ZRANB3: variants seen among roughly 807,000 people sequenced by gnomAD.
The protein encoded by ZRANB3 is DNA annealing helicase and endonuclease ZRANB3.
ZRANB3 carries 125 observed loss-of-function variants against 133.8 expected under a neutral mutation model. The ratio of observed to expected loss-of-function variants is 0.93; its 90% CI spans 0.81 to 1.08. The LOEUF (loss-of-function observed/expected upper bound fraction) is 1.08, where lower values mean the gene tolerates loss of function less well. Ranked by LOEUF, ZRANB3 falls within the 50% of genes least tolerant of loss-of-function variation. The pLI, the probability that ZRANB3 is intolerant of heterozygous loss-of-function variation, is 0.00. For synonymous variants in ZRANB3, 387 were observed against 432.7 expected, an observed-to-expected ratio of 0.89 and a Z score of 1.31; for missense variants, 1,229 against 1,275.5, an observed-to-expected ratio of 0.96 and a Z score of 0.56.
Position 135,387,821 on chromosome 2 carries a change from T to C in ZRANB3, c.180+2981A>G, listed in dbSNP as rs138480944. 8.9e-4 allele frequency among the ~76,000 whole-genome samples: 136 copies of C among 152,306 alleles called. 2 individuals are homozygous for C. In the East Asian group the frequency reaches 0.024, roughly 27 times the overall value. ...AGAATGGTTTTGAAAGATGACAACA[T>C]GTGAATCAGCCAAATGTGAAAAGTG... is the stretch of plus-strand genomic sequence containing the variant. On this transcript the variant is annotated intron_variant, in intron 3 of 20. Coordinates refer to ENST00000264159, the MANE Select transcript of ZRANB3 (RefSeq NM_032143.4).
intron 8 of ZRANB3, among the ~76,000 whole-genome samples, chr2:135,277,401 C>A (rs1447336613): frequency 2.6e-5 from 4 of 152,048 alleles, no homozygotes; most frequent in Admixed American, 2.6e-4. Context: ...ATATAAGCAA[C>A]CAACCAAAGA....
chr2:135,341,087 C>T (rs112766529), intron 6 of ZRANB3, among the ~76,000 whole-genome samples: 6 of 149,710 alleles, frequency 4.0e-5, no homozygotes, highest in South Asian at 4.2e-4. Context: ...AGTGCAGTGG[C>T]GCTATCTCGG....
chr2:135,351,571 C>T (rs950528118), intron 4 of ZRANB3, among the ~76,000 whole-genome samples: 2 of 152,144 alleles, frequency 1.3e-5, no homozygotes, highest in African/African-American at 4.8e-5. Context: ...TGTATTCAAA[C>T]ACCAGAAGAG....
chr2:135,324,144 A>G (rs1185416726), intron 6 of ZRANB3, among the ~76,000 whole-genome samples: 2 of 151,670 alleles, frequency 1.3e-5, no homozygotes, highest in Non-Finnish European at 2.9e-5. Context: ...GGTTTGTTAC[A>G]TATGTATACA....
At chr2:135,382,926 C>A (rs1312794794) in intron 3 of ZRANB3, among the ~76,000 whole-genome samples, 1 of 152,164 alleles carries the variant, frequency 6.6e-6, no homozygotes, top group Non-Finnish European at 1.5e-5. Context: ...GAAGAAAGTG[C>A]ATCAACTAAC....
chr2:135,496,253 G>A (rs1338704722), intron 2 of ZRANB3, among the ~76,000 whole-genome samples: 1 of 151,664 alleles, frequency 6.6e-6, no homozygotes, highest in Non-Finnish European at 1.5e-5. Context: ...GCGTGGTGGC[G>A]TGCGACTGTA....
chr2:135,444,235 T>C (rs1334182409), intron 2 of ZRANB3, among the ~76,000 whole-genome samples: 2 of 152,146 alleles, frequency 1.3e-5, no homozygotes, highest in African/African-American at 4.8e-5. Context: ...TTATATAATA[T>C]ATACAGTTAA....
At chr2:135,490,917 A>C (rs1223881033) in intron 2 of ZRANB3, among the ~76,000 whole-genome samples, 1 of 152,156 alleles carries the variant, frequency 6.6e-6, no homozygotes, top group Non-Finnish European at 1.5e-5. Context: ...GTTCGCACTC[A>C]TATGTGGGAG....
At chr2:135,382,632 G>A (rs1003369902) in intron 3 of ZRANB3, among the ~76,000 whole-genome samples, 6 of 152,276 alleles carry the variant, frequency 3.9e-5, no homozygotes, top group Non-Finnish European at 5.9e-5. Context: ...TCAGACTAAC[G>A]GCGGATCTCT....
In ZRANB3 at chr2:135,207,834, T is replaced by G; in HGVS notation, c.2609A>C (p.Lys870Thr). 1.9e-6 allele frequency: 3 copies of G among 1,588,230 alleles called. No homozygotes were observed. The highest frequency in any genetic ancestry group is 2.6e-6 in the Non-Finnish European group (3 of 1,161,672). ...ESRPRDPFTKKLLEDGACVPF... is the reference protein window; with the variant it reads ...ESRPRDPFTKTLLEDGACVPF... ...GACACAGGCTCCATCTTCAAGAAGT[T>G]TTCTACAATTGATAAAAACACTGAA... The change falls in exon 19 of 21, where the codon AAA (lysine) becomes ACA (threonine). Residue 870 changes from lysine (K) to threonine (T), a missense_variant and splice_region_variant. Coordinates refer to ENST00000264159, the MANE Select transcript of ZRANB3 (RefSeq NM_032143.4).
chr2:135,434,853 T>C (rs1689464994), intron 2 of ZRANB3, among the ~76,000 whole-genome samples: 1 of 152,214 alleles, frequency 6.6e-6, no homozygotes, highest in Admixed American at 6.5e-5. Context: ...CTTATTTTCA[T>C]TATCTGATTG....
intron 15 of ZRANB3, among the ~76,000 whole-genome samples, chr2:135,221,983 G>A (rs753903866): frequency 1.3e-5 from 2 of 151,944 alleles, no homozygotes; most frequent in African/African-American, 4.8e-5. Flanking sequence ...ATCTATATTC[G>A]GTTTAGTAGA....
At chr2:135,283,535 G>C (rs980344538) in intron 8 of ZRANB3, among the ~76,000 whole-genome samples, 2 of 151,210 alleles carry the variant, frequency 1.3e-5, no homozygotes, top group Non-Finnish European at 2.9e-5. Context: ...ACTTGAAGCC[G>C]GGAGGTAGAG....
chr2:135,509,042 A>C lies in ZRANB3; in HGVS notation c.-7-4546T>G, dbSNP rs541058977. Among the ~76,000 whole-genome samples the C allele has an allele frequency of 1.9e-4, 29 of 151,946 alleles. 1 individual carries two copies. The South Asian group carries it at 5.6e-3, about 29-fold the overall frequency. On this transcript the variant is annotated intron_variant, in intron 1 of 20. Transcript: ENST00000264159. Reference sequence around the variant, plus strand: ...AAATGAAACCAGGAATACATAATTTAAAAAAAAATTTTCTTCCAGAAATAT... The same window carrying C: ...AAATGAAACCAGGAATACATAATTTCAAAAAAAATTTTCTTCCAGAAATAT...
chr2:135,373,210 TA>T (rs1686263963), intron 3 of ZRANB3, among the ~76,000 whole-genome samples: 1 of 152,140 alleles, frequency 6.6e-6, no homozygotes, highest in African/African-American at 2.4e-5. Flanking sequence ...CAGGAGACAT[TA>T]ACTAGAAATA....
chr2:135,524,950 T>A (rs535832196), intron 1 of ZRANB3, among the ~76,000 whole-genome samples: 2 of 152,182 alleles, frequency 1.3e-5, no homozygotes, highest in Non-Finnish European at 2.9e-5. Context: ...ATTAGATATA[T>A]AATTTTTTTA....
At chr2:135,248,192 C>A (rs1695888621) in intron 12 of ZRANB3, among the ~76,000 whole-genome samples, 2 of 152,236 alleles carry the variant, frequency 1.3e-5, no homozygotes, top group Admixed American at 1.3e-4. Flanking sequence ...CAGACTGTTA[C>A]ATGGGTGCCC....
chr2:135,407,996 C>T (rs1164291702), intron 2 of ZRANB3, among the ~76,000 whole-genome samples: 3 of 151,686 alleles, frequency 2.0e-5, no homozygotes, highest in Admixed American at 1.3e-4. Flanking sequence ...AACTAAAGAG[C>T]TTCTGCACAG....
intron 8 of ZRANB3, among the ~76,000 whole-genome samples, chr2:135,305,802 G>A: frequency 6.6e-6 from 1 of 152,014 alleles, no homozygotes; most frequent in Non-Finnish European, 1.5e-5. Flanking sequence ...TTCCTTGTCT[G>A]GGAAATATTT....
Sources: gnomAD v4.1 joint callset for allele counts (sites outside exome capture counted in the v4.1 genomes callset) on GRCh38, gnomAD v4.1.1 for gene constraint, MANE v1.5 for transcripts, NCBI Gene and HGNC (gene_info 2026-07-23, HGNC 2026-07-21) for gene names.